Variants in SGMS2 observed in about 807,000 individuals in gnomAD.
The protein encoded by SGMS2 is phosphatidylcholine:ceramide cholinephosphotransferase 2.
Under a neutral mutation model 43.8 loss-of-function variants are expected in SGMS2, and 21 were observed. The ratio of observed to expected loss-of-function variants is 0.48; its 90% CI spans 0.34 to 0.69. The LOEUF is 0.69. Ranked by LOEUF, SGMS2 falls within the 30% of genes least tolerant of loss-of-function variation. SGMS2 has a pLI of 0.01. For synonymous variants in SGMS2, 167 were observed against 160.6 expected, an observed-to-expected ratio of 1.04 and a Z score of -0.30; for missense variants, 384 against 443.2, an observed-to-expected ratio of 0.87 and a Z score of 1.20.
intron 2 of SGMS2, among the ~76,000 whole-genome samples, chr4:107,865,420 G>T (rs934606778): frequency 5.3e-5 from 8 of 152,010 alleles, no homozygotes; most frequent in Non-Finnish European, 1.2e-4. Context: ...GATTACTTGG[G>T]ATATTATTAT....
chr4:107,903,282 C>G lies in SGMS2; in HGVS notation c.623C>G (p.Ser208Cys). The G allele has an allele frequency of 2.5e-6, 4 of 1,614,036 alleles. No homozygotes were observed. Among genetic ancestry groups the G allele is most frequent in the Non-Finnish European group, 3.4e-6 (4 of 1,179,946 alleles). ...AKVQRILRLI[S>C]GGGLSITGSH... The stretch of plus-strand genomic sequence containing the variant: ...GTTCAACGGATTCTACGATTGATTT[C>G]TGGTGGTGGATTGTCCATAACTGGA... The change falls in exon 5 of 7, where the codon TCT (serine) becomes TGT (cysteine). Residue 208 changes from serine (S) to cysteine (C), a missense_variant. Ser to Cys is a moderately radical substitution (Grantham distance 112). Transcript: ENST00000690982.
At chr4:107,879,093 A>G (rs553121869) in intron 2 of SGMS2, among the ~76,000 whole-genome samples, 2 of 143,692 alleles carry the variant, frequency 1.4e-5, no homozygotes, top group East Asian at 4.0e-4. Context: ...CAAGTATTGA[A>G]TGGTCTACCT....
rs188310739 is a variant in SGMS2 at position 107,855,582 on chromosome 4, G to C, written c.-326-2890G>C. ...TAATAGTGACTTTTTTGAATTTGTG[G>C]AGACTTGTTTTGTGGTCTAAGATAT... On this transcript the variant is annotated intron_variant, in intron 1 of 6. Transcript: ENST00000690982. 2.6e-3 allele frequency among the ~76,000 whole-genome samples: 397 copies of C among 152,238 alleles called. 15 individuals carry two copies. The South Asian group carries it at 0.08, about 31-fold the overall frequency.
chr4:107,882,957 C>G (rs755493023), intron 2 of SGMS2, among the ~76,000 whole-genome samples: 12 of 152,100 alleles, frequency 7.9e-5, no homozygotes, highest in Non-Finnish European at 1.3e-4. Flanking sequence ...CTATCTTGAA[C>G]AGATTAAATT....
At chr4:107,835,481 A>G (rs1726121072) in intron 1 of SGMS2, among the ~76,000 whole-genome samples, 1 of 152,146 alleles carries the variant, frequency 6.6e-6, no homozygotes, top group African/African-American at 2.4e-5. Context: ...GGAGGATAGG[A>G]AGTTTTGGTC....
chr4:107,906,931 G>A (rs1048148338), intron 5 of SGMS2, among the ~76,000 whole-genome samples: 1 of 152,160 alleles, frequency 6.6e-6, no homozygotes, highest in Non-Finnish European at 1.5e-5. Context: ...GGGTTGCTAA[G>A]AGACCTTGGG....
rs75489210 is a variant in SGMS2, at chr4:107,857,751, A to G, written c.-326-721A>G. On this transcript the variant is annotated intron_variant, in intron 1 of 6. Coordinates refer to ENST00000690982, the MANE Select transcript of SGMS2 (RefSeq NM_001375905.1). ...TGTATTTCAAAGGAAATCTTCCACCATTTAGTAGAAGGTGACAGATTATGC... is the reference window on the plus strand; with the variant it reads ...TGTATTTCAAAGGAAATCTTCCACCGTTTAGTAGAAGGTGACAGATTATGC... 5.3e-3 allele frequency among the ~76,000 whole-genome samples: 808 copies of G among 152,318 alleles called. 8 individuals are homozygous for G. The highest frequency in any genetic ancestry group is 0.018 in the African/African-American group (766 of 41,568).
At chr4:107,882,361 T>C (rs1729426323) in intron 2 of SGMS2, among the ~76,000 whole-genome samples, 1 of 152,210 alleles carries the variant, frequency 6.6e-6, no homozygotes, top group African/African-American at 2.4e-5. Flanking sequence ...GTGATGATCA[T>C]TGATGTTAAG....
chr4:107,903,728 T>C (rs990912458), intron 5 of SGMS2, among the ~76,000 whole-genome samples: 4 of 152,154 alleles, frequency 2.6e-5, no homozygotes, highest in Non-Finnish European at 5.9e-5. Flanking sequence ...TAATTGTTAA[T>C]TTTATTGCAA....
intron 2 of SGMS2, among the ~76,000 whole-genome samples, chr4:107,874,877 A>C (rs777521925): frequency 1.3e-4 from 20 of 152,138 alleles, no homozygotes; most frequent in Non-Finnish European, 2.4e-4. Flanking sequence ...GGGTTGAGAT[A>C]TCTGCGTCCC....
At chr4:107,893,941 T>A (rs1730451938) in intron 2 of SGMS2, among the ~76,000 whole-genome samples, 2 of 152,188 alleles carry the variant, frequency 1.3e-5, no homozygotes, top group Admixed American at 1.3e-4. Flanking sequence ...CTGCAAGCTC[T>A]TTGGCTGAAT....
At chr4:107,894,863 C>A (rs1215908201) in intron 2 of SGMS2, among the ~76,000 whole-genome samples, 1 of 148,144 alleles carries the variant, frequency 6.8e-6, no homozygotes, top group Non-Finnish European at 1.5e-5. Context: ...TGAAGAGTAA[C>A]AATTATTCAA....
intron 6 of SGMS2, among the ~76,000 whole-genome samples, chr4:107,909,109 ATT>A (rs113023546): frequency 1.4e-5 from 2 of 145,454 alleles, no homozygotes; most frequent in African/African-American, 2.5e-5. Context: ...ATTTTTTTTA[ATT>A]TTTTTTTTTT....
chr4:107,836,678 G>GA (rs1726196935), intron 1 of SGMS2, among the ~76,000 whole-genome samples: 1 of 152,076 alleles, frequency 6.6e-6, no homozygotes, highest in South Asian at 2.1e-4. Flanking sequence ...GTTTTTGTGG[G>GA]TAATGCTGTT....
intron 2 of SGMS2, among the ~76,000 whole-genome samples, chr4:107,869,606 A>G (rs1056669048): frequency 3.9e-5 from 6 of 152,232 alleles, no homozygotes; most frequent in Admixed American, 3.9e-4. Context: ...TGACCTGACT[A>G]GGTATTTGTT....
chr4:107,861,791 T>C (rs1727747721), intron 2 of SGMS2, among the ~76,000 whole-genome samples: 1 of 152,246 alleles, frequency 6.6e-6, no homozygotes, highest in African/African-American at 2.4e-5. Flanking sequence ...GTAATTCATA[T>C]CTATTTGATT....
chr4:107,861,099 A>G (rs1342666564), intron 2 of SGMS2, among the ~76,000 whole-genome samples: 1 of 152,210 alleles, frequency 6.6e-6, no homozygotes. Context: ...CACATATCTA[A>G]TGAAGTTTAA....
chr4:107,899,035 C>T (rs1730905701), intron 3 of SGMS2, among the ~76,000 whole-genome samples: 1 of 152,064 alleles, frequency 6.6e-6, no homozygotes, highest in South Asian at 2.1e-4. Flanking sequence ...GTCAAAATAC[C>T]TTCAGATGGT....
At chr4:107,861,064 C>T (rs899652429) in intron 2 of SGMS2, among the ~76,000 whole-genome samples, 10 of 152,216 alleles carry the variant, frequency 6.6e-5, no homozygotes, top group Non-Finnish European at 1.3e-4. Context: ...AGGTCGGTCT[C>T]TTTCGCCTGG....
Sources: allele counts gnomAD v4.1 joint callset (sites outside exome capture counted in the v4.1 genomes callset), GRCh38; gene constraint gnomAD v4.1.1; transcripts MANE v1.5; gene names NCBI Gene and HGNC (gene_info 2026-07-23, HGNC 2026-07-21).